CCDC6: variants seen among roughly 807,000 people sequenced by gnomAD.
The protein encoded by CCDC6 is coiled-coil domain containing 6, also known as coiled-coil domain-containing protein 6.
In CCDC6, 20 loss-of-function variants were observed where a neutral mutation model predicts 56.6. The observed-to-expected ratio is 0.35, with a 90% confidence interval of 0.25 to 0.51. The LOEUF is 0.51. Ranked by LOEUF, CCDC6 falls within the 20% of genes least tolerant of loss-of-function variation. The pLI, the probability that CCDC6 is intolerant of heterozygous loss-of-function variation, is 0.95. For synonymous variants in CCDC6, 241 were observed against 234.4 expected (o/e 1.03, Z -0.26); for missense variants, 367 against 601.1 (o/e 0.61, Z 4.07).
intron 2 of CCDC6, among the ~76,000 whole-genome samples, chr10:59,834,032 C>T (rs1343766376): frequency 6.6e-6 from 1 of 152,124 alleles, no homozygotes. Context: ...ACCCTGTGCA[C>T]CTGGAAAGCC....
intron 1 of CCDC6, among the ~76,000 whole-genome samples, chr10:59,904,377 T>C (rs1475114937): frequency 6.6e-6 from 1 of 152,226 alleles, no homozygotes; most frequent in Non-Finnish European, 1.5e-5. Context: ...AACCCTTTCA[T>C]AGTCTCTGCA....
intron 3 of CCDC6, among the ~76,000 whole-genome samples, chr10:59,823,440 C>G (rs1378090233): frequency 6.6e-6 from 1 of 152,148 alleles, no homozygotes; most frequent in African/African-American, 2.4e-5. Flanking sequence ...CTTGTTCACT[C>G]CAGTTCCCAC....
chr10:59,835,915 C>T (rs1314535827), intron 2 of CCDC6, among the ~76,000 whole-genome samples: 5 of 151,820 alleles, frequency 3.3e-5, no homozygotes, highest in Non-Finnish European at 5.9e-5. Context: ...TAGCTGGACA[C>T]GGTGGTGCGC....
chr10:59,808,334 A>C (rs1231011710), intron 5 of CCDC6, among the ~76,000 whole-genome samples: 1 of 152,196 alleles, frequency 6.6e-6, no homozygotes, highest in Non-Finnish European at 1.5e-5. Flanking sequence ...TGTCCTTCCA[A>C]GGTTATTCTT....
intron 1 of CCDC6, among the ~76,000 whole-genome samples, chr10:59,854,847 TGATTTGAA>T (rs1304171760): frequency 6.6e-6 from 1 of 152,256 alleles, no homozygotes; most frequent in Non-Finnish European, 1.5e-5. Flanking sequence ...AAGTCCTATA[TGATTTGAA>T]TTCTGACTAT....
intron 1 of CCDC6, among the ~76,000 whole-genome samples, chr10:59,887,209 A>T (rs1198650660): frequency 6.6e-6 from 1 of 152,166 alleles, no homozygotes; most frequent in Non-Finnish European, 1.5e-5. Context: ...TATGACTTTA[A>T]GCAAGTCACC....
chr10:59,859,480 T>G (rs1301953760), intron 1 of CCDC6, among the ~76,000 whole-genome samples: 1 of 152,032 alleles, frequency 6.6e-6, no homozygotes, highest in African/African-American at 2.4e-5. Flanking sequence ...ACACAAAAGA[T>G]CAGGCAGGTT....
intron 7 of CCDC6, among the ~76,000 whole-genome samples, chr10:59,795,555 G>A (rs1405552428): frequency 2.0e-5 from 3 of 151,464 alleles, no homozygotes; most frequent in Non-Finnish European, 4.4e-5. Context: ...CATGTGCCAT[G>A]CTGGTGTGCT....
intron 2 of CCDC6, among the ~76,000 whole-genome samples, chr10:59,844,188 G>GA (rs2070968178): frequency 6.6e-6 from 1 of 152,036 alleles, no homozygotes; most frequent in Admixed American, 6.5e-5. Flanking sequence ...TTTATAAAGA[G>GA]AAAAAATAGC....
At chr10:59,896,168 T>C (rs2071461438) in intron 1 of CCDC6, among the ~76,000 whole-genome samples, 1 of 152,164 alleles carries the variant, frequency 6.6e-6, no homozygotes, top group African/African-American at 2.4e-5. Flanking sequence ...CCTGTGAGTA[T>C]AAAAATAAGT....
At chr10:59,883,254 A>T (rs187358927) in intron 1 of CCDC6, among the ~76,000 whole-genome samples, 3 of 152,326 alleles carry the variant, frequency 2.0e-5, no homozygotes, top group Admixed American at 2.0e-4. Flanking sequence ...AAAAGGACTA[A>T]AGTATAGCAA....
chr10:59,806,268 AAG>A (rs1158613737), intron 6 of CCDC6, among the ~76,000 whole-genome samples: 1 of 152,212 alleles, frequency 6.6e-6, no homozygotes, highest in African/African-American at 2.4e-5. Context: ...AGGAAGAGGG[AAG>A]AGAACTGGAT....
chr10:59,826,298 T>C (rs182379346), intron 3 of CCDC6, among the ~76,000 whole-genome samples: 3 of 152,332 alleles, frequency 2.0e-5, no homozygotes, highest in African/African-American at 7.2e-5. Flanking sequence ...CTTTACTCTA[T>C]ATAGTACCTG....
chr10:59,792,557 A>C lies in CCDC6; in HGVS notation c.*360T>G, dbSNP rs1272986054. 1.8e-6 allele frequency: 1 copy of C among 547,672 alleles called. No homozygotes were observed. Among genetic ancestry groups the C allele is most frequent in the East Asian group, 3.7e-5 (1 of 27,138 alleles). The allele number at this position is 547,672 out of a possible 1,614,324, so 33.9% of individuals were successfully genotyped here. On this transcript the variant is annotated 3_prime_UTR_variant, in exon 9 of 9. Transcript: ENST00000263102. ...GCAGATTCATGGAAAAAAATATAAA[A>C]AAGATATCCCTTTTTCTTTTACAAA...
intron 3 of CCDC6, among the ~76,000 whole-genome samples, chr10:59,827,864 A>G (rs1263945997): frequency 6.6e-6 from 1 of 152,182 alleles, no homozygotes; most frequent in Non-Finnish European, 1.5e-5. Flanking sequence ...GCTGAATTAG[A>G]TGACTAACCC....
intron 1 of CCDC6, among the ~76,000 whole-genome samples, chr10:59,888,319 C>T (rs2132680483): frequency 6.6e-6 from 1 of 152,364 alleles, no homozygotes; most frequent in African/African-American, 2.4e-5. Context: ...CACAGGATGC[C>T]TCACTTCAGA....
intron 2 of CCDC6, among the ~76,000 whole-genome samples, chr10:59,842,562 G>A (rs1564746584): frequency 6.6e-6 from 1 of 152,052 alleles, no homozygotes; most frequent in Admixed American, 6.5e-5. Flanking sequence ...CATGGTCATG[G>A]TGCATTGTCC....
In CCDC6 at chr10:59,852,302, C is replaced by G. The variant is rs530955853; in HGVS notation, c.453+251G>C. ...TACATTCAACATCTCATGCCAAGAT[C>G]TTGTGCTCATCAGCAATTTTTTGGA... On this transcript the variant is annotated intron_variant, in intron 2 of 8. Transcript: ENST00000263102. 5.9e-5 allele frequency among the ~76,000 whole-genome samples: 9 copies of G among 152,326 alleles called. No individual in the cohort carries two copies. The South Asian group carries it at 1.9e-3, about 32-fold the overall frequency.
intron 1 of CCDC6, among the ~76,000 whole-genome samples, chr10:59,865,966 C>T (rs965783776): frequency 7.2e-5 from 11 of 151,788 alleles, no homozygotes; most frequent in Admixed American, 6.6e-4. Context: ...CCTATGACTT[C>T]TGACATGGGC....
Sources: gnomAD v4.1 joint callset for allele counts (sites outside exome capture counted in the v4.1 genomes callset) on GRCh38, gnomAD v4.1.1 for gene constraint, MANE v1.5 for transcripts, NCBI Gene and HGNC (gene_info 2026-07-23, HGNC 2026-07-21) for gene names.